Variants in MGAT4C observed in about 807,000 individuals in gnomAD.
The protein encoded by MGAT4C is MGAT4 family member C, also known as alpha-1,3-mannosyl-glycoprotein 4-beta-N-acetylglucosaminyltransferase C.
In MGAT4C, 19 loss-of-function variants were observed where a neutral mutation model predicts 40.1. The ratio of observed to expected loss-of-function variants is 0.47; its 90% confidence interval spans 0.33 to 0.70. The LOEUF is 0.70. Among genes scored for constraint, MGAT4C ranks in the 30% least tolerant of loss-of-function variants. The probability of loss-of-function intolerance (pLI) is 0.02; values close to 1 mark genes in which losing one functional copy is unlikely to be tolerated. For missense variants in MGAT4C, 491 were observed against 563.2 expected (o/e 0.87, Z 1.30); for synonymous variants, 181 against 187.1 (o/e 0.97, Z 0.27).
chr12:86,627,903 T>C (rs897791712), intron 2 of MGAT4C, among the ~76,000 whole-genome samples: 8 of 151,900 alleles, frequency 5.3e-5, no homozygotes, highest in African/African-American at 7.2e-5. Context: ...CTTTGAGGAG[T>C]TGACAGAAGT....
rs1164451243 is a variant in MGAT4C, at chr12:85,968,187, C to T, written c.*11102G>A. 1 of 152,000 alleles carries T rather than the reference C, an allele frequency of 6.6e-6. No homozygotes were observed. The highest frequency in any genetic ancestry group is 1.5e-5 in the Non-Finnish European group (1 of 67,948). The allele number at this position is 152,000 out of a possible 1,614,324, so 9.4% of individuals were successfully genotyped here. On this transcript the variant is annotated 3_prime_UTR_variant, in exon 5 of 5. Coordinates refer to ENST00000611864, the MANE Select transcript of MGAT4C (RefSeq NM_001351288.2). ...ATGAAAAAAAGTCCACTGTGGAAAA[C>T]TGATAGTTTTTCTCCTTCTTTCTTG...
intron 2 of MGAT4C, among the ~76,000 whole-genome samples, chr12:86,670,279 A>G (rs1320278967): frequency 6.6e-6 from 1 of 152,162 alleles, no homozygotes; most frequent in Non-Finnish European, 1.5e-5. Flanking sequence ...AATGAATTCC[A>G]ACTCAAGTTT....
rs796665158 is a variant in MGAT4C, at chr12:86,609,256, A to G, written c.-229+117953T>C. Among the ~76,000 whole-genome samples, 11 of 152,264 alleles carry G rather than the reference A, an allele frequency of 7.2e-5. 1 individual carries two copies. Among genetic ancestry groups the G allele is most frequent in the African/African-American group, 2.4e-4 (10 of 41,568 alleles). On this transcript the variant is annotated intron_variant, in intron 2 of 7. Transcript: ENST00000548651. ...CAGATTATCTACCAAATTGACTCAG[A>G]ATAAGGACATGACTGTTTGCAAAGT...
rs144823889 is a variant in MGAT4C, at chr12:86,119,569, G to A, written c.-56-69846C>T. 1.1e-3 allele frequency among the ~76,000 whole-genome samples: 168 copies of A among 151,634 alleles called. 1 individual carries two copies. The East Asian group carries it at 0.031, about 28-fold the overall frequency. The stretch of plus-strand genomic sequence containing the variant: ...ATTACAGGCGTCCGCCACGATGCCC[G>A]GCTAATTTTTTGTATTTTTAGTAGA... On this transcript the variant is annotated intron_variant, in intron 1 of 4. Transcript: ENST00000611864.
intron 2 of MGAT4C, among the ~76,000 whole-genome samples, chr12:86,464,476 A>C (rs2406139): frequency 1 from 151,680 of 152,248 alleles, 75,557 homozygotes; most frequent in Middle Eastern, 1. Context: ...GTAACCTTAT[A>C]TTTGATTATA....
At chr12:86,615,892 A>G (rs537394506) in intron 2 of MGAT4C, among the ~76,000 whole-genome samples, 28 of 152,218 alleles carry the variant, frequency 1.8e-4, no homozygotes, top group Non-Finnish European at 3.1e-4. Context: ...GAATCAATGA[A>G]TGATGAAACC....
intron 2 of MGAT4C, among the ~76,000 whole-genome samples, chr12:86,553,042 T>G (rs1959442264): frequency 6.6e-6 from 1 of 152,110 alleles, no homozygotes; most frequent in Non-Finnish European, 1.5e-5. Context: ...AATAATCATT[T>G]GCTTTTTCTA....
rs113237217 is a variant in MGAT4C at position 86,400,143 on chromosome 12, A to G, written c.-120+35014T>C. ...CTGCTGCAGAATTGACTGCATGCTT[A>G]GTAGGTGAGGGCGAAACTCCCCAAC... On this transcript the variant is annotated intron_variant, in intron 3 of 7. Transcript: ENST00000548651. Among the ~76,000 whole-genome samples, 898 of 152,286 alleles carry G rather than the reference A, an allele frequency of 5.9e-3. 7 individuals are homozygous for G. The highest frequency in any genetic ancestry group is 0.021 in the African/African-American group (854 of 41,564).
intron 4 of MGAT4C, among the ~76,000 whole-genome samples, chr12:86,302,580 C>A (rs113695014): frequency 0.022 from 3,274 of 150,356 alleles, 383 homozygotes; most frequent in African/African-American, 0.077. Context: ...AGGCATACGC[C>A]AACGTGCCCC....
At chr12:86,668,230 C>T (rs910481240) in intron 2 of MGAT4C, among the ~76,000 whole-genome samples, 2 of 152,132 alleles carry the variant, frequency 1.3e-5, no homozygotes, top group South Asian at 2.1e-4. Context: ...ACTCTGTGAG[C>T]TTTAATTCAA....
At position 85,978,507 on chromosome 12, in the gene MGAT4C, T is replaced by C. The variant is rs1884173888; in HGVS notation, c.*782A>G. 4.6e-5 allele frequency: 7 copies of C among 152,018 alleles called. No individual in the cohort carries two copies. In the South Asian group the frequency reaches 1.4e-3, roughly 31 times the overall value. The allele number at this position is 152,018 out of a possible 1,614,324, so 9.4% of individuals were successfully genotyped here. ...ATGTCTGTACGAATGAGCTAACTAC[T>C]ATAGGCCTTCCCTAATTTATTCTAT... On this transcript the variant is annotated 3_prime_UTR_variant, in exon 5 of 5. Coordinates refer to ENST00000611864, the MANE Select transcript of MGAT4C (RefSeq NM_001351288.2).
intron 1 of MGAT4C, among the ~76,000 whole-genome samples, chr12:86,246,339 A>G (rs1206197708): frequency 6.6e-6 from 1 of 151,796 alleles, no homozygotes; most frequent in Non-Finnish European, 1.5e-5. Context: ...GCGCCCGTCA[A>G]CCATTGCTTC....
At chr12:86,296,280 C>T (rs1184932731) in intron 4 of MGAT4C, among the ~76,000 whole-genome samples, 2 of 152,198 alleles carry the variant, frequency 1.3e-5, no homozygotes, top group Non-Finnish European at 2.9e-5. Context: ...TTTACAATCC[C>T]TGAGCTAGAC....
rs1427804780 is a variant in MGAT4C, at chr12:85,974,342, A to G, written c.*4947T>C. 6.6e-6 allele frequency: 1 copy of G among 150,714 alleles called. No individual in the cohort carries two copies. The highest frequency in any genetic ancestry group is 1.5e-5 in the Non-Finnish European group (1 of 67,016). The allele number at this position is 150,714 out of a possible 1,614,324, so 9.3% of individuals were successfully genotyped here. A position where few individuals can be genotyped will look rare whatever the true frequency, so the allele number is the denominator to read the frequency against. On this transcript the variant is annotated 3_prime_UTR_variant, in exon 5 of 5. Coordinates refer to ENST00000611864, the MANE Select transcript of MGAT4C (RefSeq NM_001351288.2). ...GACAGTGTGTCAGGAAAATCCAAGA[A>G]TAAGTGGAGGTGTAAAGGCTAAAAA...
At chr12:86,376,846 G>GAGAGAGAGAC (rs1955836520) in intron 3 of MGAT4C, among the ~76,000 whole-genome samples, 2 of 59,518 alleles carry the variant, frequency 3.4e-5, no homozygotes, top group African/African-American at 4.3e-5. Flanking sequence ...GAGAGAGACA[G>GAGAGAGAGAC]AGAGAGAGAG....
intron 1 of MGAT4C, among the ~76,000 whole-genome samples, chr12:86,216,849 A>G (rs1593261118): frequency 6.6e-6 from 1 of 152,200 alleles, no homozygotes; most frequent in African/African-American, 2.4e-5. Flanking sequence ...ATCTTGGTTT[A>G]CTGGTGAAAT....
chr12:86,816,420 T>C (rs779504786), intron 1 of MGAT4C, among the ~76,000 whole-genome samples: 1 of 151,830 alleles, frequency 6.6e-6, no homozygotes, highest in East Asian at 1.9e-4. Flanking sequence ...ATTTTACTTT[T>C]GTGTATACAT....
chr12:86,232,824 G>A (rs963392363), intron 1 of MGAT4C, among the ~76,000 whole-genome samples: 1 of 152,140 alleles, frequency 6.6e-6, no homozygotes, highest in Non-Finnish European at 1.5e-5. Context: ...AATTTCACAA[G>A]TTTGAAGGTG....
At chr12:86,583,621 C>T (rs529386591) in intron 2 of MGAT4C, among the ~76,000 whole-genome samples, 8 of 150,986 alleles carry the variant, frequency 5.3e-5, no homozygotes, top group African/African-American at 1.9e-4. Flanking sequence ...TCCTTTATTC[C>T]ATTTTGAAAA....
Sources: allele counts gnomAD v4.1 joint callset (sites outside exome capture counted in the v4.1 genomes callset), GRCh38; gene constraint gnomAD v4.1.1; transcripts MANE v1.5; gene names NCBI Gene and HGNC (gene_info 2026-07-23, HGNC 2026-07-21).